LRPPRC: variants seen among roughly 807,000 people sequenced by gnomAD.
LRPPRC encodes the protein leucine rich pentatricopeptide repeat containing.
In LRPPRC, 120 loss-of-function variants were observed where a neutral mutation model predicts 180.3. That is an observed-to-expected ratio of 0.67 (90% CI 0.57 to 0.77). The LOEUF (loss-of-function observed/expected upper bound fraction) is 0.77. Ranked by LOEUF, LRPPRC falls within the 30% of genes least tolerant of loss-of-function variation. The probability of loss-of-function intolerance (pLI) is 0.00; values close to 1 mark genes in which losing one functional copy is unlikely to be tolerated. For synonymous variants in LRPPRC, 723 were observed against 600.0 expected, an observed-to-expected ratio of 1.21 and a Z score of -3.00; for missense variants, 2,012 against 1,657.2, an observed-to-expected ratio of 1.21 and a Z score of -3.72.
intron 36 of LRPPRC, 102 bp from the exon 37 acceptor site, chr2:43,889,978 C>A: frequency 1.3e-6 from 1 of 798,086 alleles, no homozygotes; most frequent in Admixed American, 2.0e-5. Flanking sequence ...CTTTATCCCA[C>A]GGCAAATGAA....
intron 36 of LRPPRC, among the ~76,000 whole-genome samples, chr2:43,893,836 T>A (rs1284362450): frequency 6.6e-6 from 1 of 152,186 alleles, no homozygotes; most frequent in Non-Finnish European, 1.5e-5. Context: ...TTACTAATTC[T>A]GATTCTTGAG....
chr2:43,905,830 G>A (rs779618073), intron 30 of LRPPRC, 50 bp from the exon 31 acceptor site: 4 of 1,104,308 alleles, frequency 3.6e-6, no homozygotes, highest in South Asian at 1.2e-5. Context: ...CTTCTGATAC[G>A]ATAATAAATG....
intron 32 of LRPPRC, among the ~76,000 whole-genome samples, chr2:43,900,325 T>C (rs968003048): frequency 3.3e-5 from 5 of 152,140 alleles, no homozygotes; most frequent in African/African-American, 1.2e-4. Flanking sequence ...TGTTACCATA[T>C]GGCATACTAA....
chr2:43,947,679 T>G (rs917680290), intron 19 of LRPPRC, 52 bp downstream of exon 19: 1 of 997,026 alleles, frequency 1.0e-6, no homozygotes, highest in African/African-American at 1.6e-5. Flanking sequence ...TCCAGAATAC[T>G]CATTAAATAT....
intron 30 of LRPPRC, among the ~76,000 whole-genome samples, chr2:43,908,509 AT>A (rs926161036): frequency 2.6e-5 from 4 of 151,812 alleles, no homozygotes; most frequent in South Asian, 4.2e-4. Flanking sequence ...TAAAAATGAT[AT>A]TTTTTTTAAT....
intron 21 of LRPPRC, 112 bp downstream of exon 21, chr2:43,946,001 G>A (rs1672667362): frequency 1.7e-6 from 2 of 1,181,874 alleles, no homozygotes; most frequent in Non-Finnish European, 2.5e-6. Context: ...GACAACAAAA[G>A]AATTTTTAAA....
chr2:43,930,980 G>A (rs1259219985), intron 25 of LRPPRC, among the ~76,000 whole-genome samples: 1 of 152,054 alleles, frequency 6.6e-6, no homozygotes, highest in African/African-American at 2.4e-5. Flanking sequence ...TACAAATAAA[G>A]TATCACTTTT....
At chr2:43,942,670 A>C (rs1672525480) in intron 23 of LRPPRC, among the ~76,000 whole-genome samples, 1 of 152,086 alleles carries the variant, frequency 6.6e-6, no homozygotes, top group South Asian at 2.1e-4. Flanking sequence ...AATAAAGAAA[A>C]ACTACCAGAA....
At chr2:43,898,670 A>G (rs1245949778) in intron 34 of LRPPRC, among the ~76,000 whole-genome samples, 3 of 152,198 alleles carry the variant, frequency 2.0e-5, no homozygotes, top group Non-Finnish European at 4.4e-5. Flanking sequence ...AGAGACCTGC[A>G]TTTGTCATTT....
chr2:43,896,824 G>C, intron 34 of LRPPRC, 116 bp from the exon 35 acceptor site: 1 of 724,870 alleles, frequency 1.4e-6, no homozygotes, highest in South Asian at 1.5e-5. Context: ...TTACCAATAG[G>C]AAGGCCTAAT....
intron 14 of LRPPRC, among the ~76,000 whole-genome samples, chr2:43,956,690 G>A (rs4952695): frequency 0.31 from 46,657 of 151,884 alleles, 8,589 homozygotes; most frequent in East Asian, 0.95. Flanking sequence ...AGGAGTTCGA[G>A]ACCAACCTGG....
chr2:43,905,865 A>C, intron 30 of LRPPRC, 85 bp from the exon 31 acceptor site: 1 of 902,338 alleles, frequency 1.1e-6, no homozygotes, highest in Non-Finnish European at 1.9e-6. Flanking sequence ...TGAAATTATA[A>C]AAACTACTGT....
At chr2:43,905,374 G>A (rs747920372) in intron 31 of LRPPRC, among the ~76,000 whole-genome samples, 3 of 152,090 alleles carry the variant, frequency 2.0e-5, no homozygotes, top group African/African-American at 4.8e-5. Flanking sequence ...GAATTTTAAC[G>A]CACTTGAAAG....
At chr2:43,941,798 G>A (rs1390841035) in intron 23 of LRPPRC, among the ~76,000 whole-genome samples, 1 of 123,860 alleles carries the variant, frequency 8.1e-6, no homozygotes. Context: ...AGATGAAACT[G>A]AAAGACCTCA....
chr2:43,985,722 C>G (rs1224984371), intron 1 of LRPPRC, among the ~76,000 whole-genome samples: 2 of 152,164 alleles, frequency 1.3e-5, no homozygotes, highest in Non-Finnish European at 2.9e-5. Flanking sequence ...TTTGTTTACC[C>G]ATTTGCCTAC....
At chr2:43,992,866 G>A (rs1001364279) in intron 1 of LRPPRC, among the ~76,000 whole-genome samples, 1 of 152,182 alleles carries the variant, frequency 6.6e-6, no homozygotes, top group African/African-American at 2.4e-5. Flanking sequence ...GCAGGTGGAT[G>A]TGTAGTAGAT....
At chr2:43,993,146 G>A (rs1423942768) in intron 1 of LRPPRC, among the ~76,000 whole-genome samples, 1 of 152,240 alleles carries the variant, frequency 6.6e-6, no homozygotes, top group East Asian at 1.9e-4. Context: ...TAATATGCCA[G>A]GTCAAGGCCT....
At chr2:43,928,743 C>T (rs1215717854) in intron 25 of LRPPRC, among the ~76,000 whole-genome samples, 1 of 151,928 alleles carries the variant, frequency 6.6e-6, no homozygotes, top group Non-Finnish European at 1.5e-5. Flanking sequence ...GTCTGGGCAA[C>T]ACAGTGTGAC....
intron 1 of LRPPRC, among the ~76,000 whole-genome samples, chr2:43,992,784 A>G (rs1424118094): frequency 6.6e-6 from 1 of 152,194 alleles, no homozygotes; most frequent in Non-Finnish European, 1.5e-5. Context: ...TAGGGAACAC[A>G]AGAGGAACAG....
Sources: allele counts gnomAD v4.1 joint callset (sites outside exome capture counted in the v4.1 genomes callset), GRCh38; gene constraint gnomAD v4.1.1; transcripts MANE v1.5; gene names NCBI Gene and HGNC (gene_info 2026-07-23, HGNC 2026-07-21).